TCFL5: variants seen among roughly 807,000 people sequenced by gnomAD.
TCFL5 encodes transcription factor-like 5 protein.
In TCFL5, 9 loss-of-function variants were observed where a neutral mutation model predicts 44.3. The observed-to-expected ratio is 0.20, with a 90% CI of 0.12 to 0.35. TCFL5 has a LOEUF of 0.35. Ranked by LOEUF, TCFL5 falls within the 10% of genes least tolerant of loss-of-function variation. The pLI, the probability that TCFL5 is intolerant of heterozygous loss-of-function variation, is 1.00. For synonymous variants in TCFL5, 319 were observed against 271.6 expected, an observed-to-expected ratio of 1.17 and a Z score of -1.72; for missense variants, 603 against 613.4, an observed-to-expected ratio of 0.98 and a Z score of 0.18.
intron 5 of TCFL5, among the ~76,000 whole-genome samples, chr20:62,853,727 G>A (rs968307680): frequency 6.6e-6 from 1 of 152,064 alleles, no homozygotes; most frequent in Non-Finnish European, 1.5e-5. Context: ...CTACACACCC[G>A]TCAGCCCCAG....
Position 62,860,299 on chromosome 20 carries a change from A to G in TCFL5, c.657T>C (p.Thr219=). 6.2e-7 allele frequency: 1 copy of G among 1,605,896 alleles called. No individual in the cohort carries two copies. Among genetic ancestry groups the G allele is most frequent in the Non-Finnish European group, 8.5e-7 (1 of 1,173,038 alleles). The change falls in exon 2 of 6, where the codon ACT becomes ACC. Residue 219 remains threonine, a synonymous_variant. Coordinates refer to ENST00000335351, the MANE Select transcript of TCFL5 (RefSeq NM_006602.4). ...TTAGTTCAGATGGATGTCGAATGAG[A>G]GTTACCAAACTGCCAAGACAAAAGA... ...EPGGALNNLV[T]LIRHPSELMN... is the part of the protein sequence containing the mutation.
chr20:62,849,878 C>G (rs2063786207), intron 5 of TCFL5, among the ~76,000 whole-genome samples: 1 of 152,008 alleles, frequency 6.6e-6, no homozygotes, highest in African/African-American at 2.4e-5. Flanking sequence ...TTGCTTGAGC[C>G]CAGGAGGCAG....
In TCFL5 at chr20:62,860,168, T is replaced by C; in HGVS notation, c.788A>G (p.Asn263Ser). ...AGAATTTCCACTAGTAGAGCAAGCA[T>C]TTGTAGTAAACAGTGGGTATGTAAA... ...LQFTYPLFTT[N>S]ACSTSGNSNL... is the part of the protein sequence containing the mutation. Residue 263 changes from asparagine (N) to serine (S), a missense_variant, in exon 2 of 6, where the codon AAT (asparagine) becomes AGT (serine). Asn to Ser is a conservative substitution (Grantham distance 46). Around this residue, in one of 4 missense-constraint regions of TCFL5, gnomAD observed 540 missense variants for 478.7 expected, o/e 1.13. Coordinates refer to ENST00000335351, the MANE Select transcript of TCFL5 (RefSeq NM_006602.4). The C allele has an allele frequency of 6.2e-7, 1 of 1,613,374 alleles. No individual in the cohort carries two copies. The highest frequency in any genetic ancestry group is 8.5e-7 in the Non-Finnish European group (1 of 1,179,350).
intron 5 of TCFL5, chr20:62,846,220 C>T (rs985034163): frequency 4.2e-6 from 3 of 721,002 alleles, no homozygotes; most frequent in South Asian, 1.7e-5. Context: ...CATAACTAGG[C>T]GCTCGCAAGA....
chr20:62,852,859 A>G lies in TCFL5; in HGVS notation c.1380+1157T>C. The stretch of plus-strand genomic sequence containing the variant: ...TCAACCAGTCCACAAAAGTATGTTC[A>G]CCCAGTCCATGGAAGTATAGTCACC... On this transcript the variant is annotated intron_variant, in intron 5 of 5. Coordinates refer to ENST00000335351, the MANE Select transcript of TCFL5 (RefSeq NM_006602.4). The G allele has an allele frequency of 3.9e-6, 5 of 1,289,476 alleles. No individual in the cohort carries two copies. In the South Asian group the frequency reaches 6.2e-5, roughly 16 times the overall value. The allele number at this position is 1,289,476 out of a possible 1,614,324, so 79.9% of individuals were successfully genotyped here.
chr20:62,858,073 C>G (rs1462658823), intron 3 of TCFL5, among the ~76,000 whole-genome samples: 1 of 151,422 alleles, frequency 6.6e-6, no homozygotes, highest in Non-Finnish European at 1.5e-5. Flanking sequence ...ATTCTAAGAA[C>G]AAGAAAAAAA....
chr20:62,857,456 C>G lies in TCFL5; in HGVS notation c.1177G>C (p.Gly393Arg). ...QANLGEQAQS[G>R]PQGGRSQRRE... is the part of the protein sequence containing the mutation. ...CGTTGAGACCTTCCTCCCTGGGGCCCACTCTGGGCCTGCTCCCCCAGGTTT... is the reference window on the plus strand; with the variant it reads ...CGTTGAGACCTTCCTCCCTGGGGCCGACTCTGGGCCTGCTCCCCCAGGTTT... Residue 393 changes from glycine (G) to arginine (R), a missense_variant, in exon 4 of 6, where the codon GGG (glycine) becomes CGG (arginine). Transcript: ENST00000335351. 3 of 1,614,226 alleles carry G rather than the reference C, an allele frequency of 1.9e-6. No homozygotes were observed. The highest frequency in any genetic ancestry group is 2.5e-6 in the Non-Finnish European group (3 of 1,180,046).
chr20:62,844,242 TTTTG>T (rs1223244404), intron 5 of TCFL5, among the ~76,000 whole-genome samples: 2 of 152,168 alleles, frequency 1.3e-5, no homozygotes, highest in Non-Finnish European at 2.9e-5. Context: ...GCTATTTTGC[TTTTG>T]TTTTTGTTTT....
At position 62,844,937 on chromosome 20, in the gene TCFL5, TAATTC is replaced by T. The variant is rs774032011; in HGVS notation, c.1381-2845_1381-2841del. On this transcript the variant is annotated intron_variant, in intron 5 of 5. Transcript: ENST00000335351. ...TGCTGAGTTGTAGTAACTTTCTACTTAATTCAAGTCCAGGAGGACACAAGCGCCAT... is the reference window on the plus strand; with the variant it reads ...TGCTGAGTTGTAGTAACTTTCTACTTAAGTCCAGGAGGACACAAGCGCCAT... The T allele has an allele frequency of 1.4e-4, 138 of 985,160 alleles. No homozygotes were observed. The Middle Eastern group carries it at 4.2e-3, about 30-fold the overall frequency. 61.0% of individuals were successfully genotyped at this position (985,160 alleles called of 1,614,324 possible).
At chr20:62,843,197 T>G (rs1297174602) in intron 5 of TCFL5, among the ~76,000 whole-genome samples, 3 of 152,202 alleles carry the variant, frequency 2.0e-5, no homozygotes, top group Non-Finnish European at 4.4e-5. Context: ...ATTTAAAAAC[T>G]ATCAACCAAA....
At chr20:62,860,938 A>C in intron 1 of TCFL5, 86 bp downstream of exon 1, 1 of 943,072 alleles carries the variant, frequency 1.1e-6, no homozygotes, top group Non-Finnish European at 1.3e-6. Context: ...GTGCACAGCG[A>C]GGGCCCCCTT....
chr20:62,855,209 G>C (rs1367261836), intron 4 of TCFL5, among the ~76,000 whole-genome samples: 1 of 152,118 alleles, frequency 6.6e-6, no homozygotes, highest in Non-Finnish European at 1.5e-5. Flanking sequence ...GCCCAGGCTG[G>C]AGTGCAGTGG....
At chr20:62,846,614 C>T (rs779679815) in intron 5 of TCFL5, among the ~76,000 whole-genome samples, 20 of 151,918 alleles carry the variant, frequency 1.3e-4, no homozygotes, top group Non-Finnish European at 2.5e-4. Flanking sequence ...AGAATAACAA[C>T]AAGACGGGTG....
Position 62,860,315 on chromosome 20 carries a change from A to G in TCFL5, c.648-7T>C. 6.2e-7 allele frequency: 1 copy of G among 1,601,384 alleles called. No homozygotes were observed. Among genetic ancestry groups the G allele is most frequent in the Non-Finnish European group, 8.6e-7 (1 of 1,169,320 alleles). ...TCGAATGAGAGTTACCAAACTGCCA[A>G]GACAAAAGAAAGCCCAGAAGTGTCA... On this transcript the variant is annotated splice_polypyrimidine_tract_variant and splice_region_variant and intron_variant, in intron 1 of 5. Coordinates refer to ENST00000335351, the MANE Select transcript of TCFL5 (RefSeq NM_006602.4).
chr20:62,853,343 CT>C lies in TCFL5; in HGVS notation c.1380+672del, dbSNP rs540357446. Reference sequence around the variant, plus strand: ...CTTATCTGCATTTTTGTTTCTCTTTCTTTTTTGGGGTGGGTGGGGGTGGGGC... The same window carrying C: ...CTTATCTGCATTTTTGTTTCTCTTTCTTTTTGGGGTGGGTGGGGGTGGGGC... On this transcript the variant is annotated intron_variant, in intron 5 of 5. Transcript: ENST00000335351. Among the ~76,000 whole-genome samples the C allele has an allele frequency of 1.5e-4, 4 of 25,860 alleles. No individual in the cohort carries two copies. The South Asian group carries it at 3.4e-3, about 22-fold the overall frequency. 17.0% of individuals were successfully genotyped at this position (25,860 alleles called of 152,430 possible). A position where few individuals can be genotyped will look rare whatever the true frequency, so the allele number is the denominator to read the frequency against.
In TCFL5 at chr20:62,859,511, A is replaced by C. The variant is rs1266467070; in HGVS notation, c.847T>G (p.Cys283Gly). The C allele has an allele frequency of 1.2e-6, 2 of 1,611,010 alleles. No individual in the cohort carries two copies. Among genetic ancestry groups the C allele is most frequent in the Non-Finnish European group, 1.7e-6 (2 of 1,179,336 alleles). The change falls in exon 3 of 6, where the codon TGT (cysteine) becomes GGT (glycine). Residue 283 changes from cysteine (C) to glycine (G), a missense_variant. Transcript: ENST00000335351. ...LSQTQSSSNSCSVLEAAKHQD... is the reference protein window; with the variant it reads ...LSQTQSSSNSGSVLEAAKHQD... ...TGCTTGGCAGCTTCAAGTACAGAAC[A>C]TGAGTTACTAGAACTCTGGAAAAAA...
chr20:62,859,247 A>G, intron 3 of TCFL5, 117 bp downstream of exon 3: 2 of 1,005,256 alleles, frequency 2.0e-6, no homozygotes, highest in Admixed American at 2.4e-5. Context: ...GACACCTCCA[A>G]GACTGTTTCA....
chr20:62,856,518 C>T (rs984701982), intron 4 of TCFL5, among the ~76,000 whole-genome samples: 1 of 151,722 alleles, frequency 6.6e-6, no homozygotes, highest in Non-Finnish European at 1.5e-5. Context: ...TCCTGGCTAA[C>T]ATGCTGAAAC....
chr20:62,852,268 A>G (rs551411152), intron 5 of TCFL5: 1 of 985,434 alleles, frequency 1.0e-6, no homozygotes, highest in East Asian at 1.1e-4. Flanking sequence ...TCACTCCTAG[A>G]GGGCCAAAGA....
Sources: allele counts gnomAD v4.1 joint callset (sites outside exome capture counted in the v4.1 genomes callset), GRCh38; gene constraint gnomAD v4.1.1; regional missense constraint gnomAD v4.1.1; transcripts MANE v1.5; gene names NCBI Gene and HGNC (gene_info 2026-07-23, HGNC 2026-07-21).